The following DOK6 variants were observed in gnomAD, a reference collection of about 807,000 sequenced individuals.
DOK6 encodes downstream of tyrosine kinase 6.
DOK6 carries 22 observed loss-of-function variants against 44.0 expected under a neutral mutation model. The ratio of observed to expected loss-of-function variants is 0.50; its 90% CI spans 0.36 to 0.71. The LOEUF is 0.71. DOK6 is among the 30% of genes least tolerant of loss of function. DOK6 has a pLI of 0.00. For missense variants in DOK6, 340 were observed against 416.4 expected (o/e 0.82, Z 1.60); for synonymous variants, 166 against 145.5 (o/e 1.14, Z -1.01).
At position 69,564,465 on chromosome 18, in the gene DOK6, G is replaced by T. The variant is rs553829746; in HGVS notation, c.67-22G>T. The T allele has an allele frequency of 5.0e-6, 8 of 1,603,656 alleles. No individual in the cohort carries two copies. The African/African-American group carries it at 9.4e-5, about 19-fold the overall frequency. On this transcript the variant is annotated intron_variant, in intron 1 of 7. Coordinates refer to ENST00000382713, the MANE Select transcript of DOK6 (RefSeq NM_152721.6). ...AACTCATGTAAAAATATGGATAATG[G>T]GATTCCTTTATTTGCTTTCAGATTT...
chr18:69,766,434 A>G (rs1979719784), intron 7 of DOK6, among the ~76,000 whole-genome samples: 1 of 152,202 alleles, frequency 6.6e-6, no homozygotes, highest in Admixed American at 6.5e-5. Context: ...AAATCAATGT[A>G]CAACTTTTGA....
intron 1 of DOK6, among the ~76,000 whole-genome samples, chr18:69,434,601 C>T (rs1474758866): frequency 2.4e-5 from 3 of 122,696 alleles, no homozygotes; most frequent in Non-Finnish European, 5.0e-5. Flanking sequence ...CCATTCTGGC[C>T]GACATGGTGA....
At chr18:69,830,670 G>A (rs999192810) in intron 7 of DOK6, among the ~76,000 whole-genome samples, 1 of 152,158 alleles carries the variant, frequency 6.6e-6, no homozygotes, top group African/African-American at 2.4e-5. Context: ...TGTTTGAATT[G>A]TTTTTTGTTA....
intron 1 of DOK6, among the ~76,000 whole-genome samples, chr18:69,536,974 T>TTTATTATTA (rs780018877): frequency 0.089 from 8,929 of 100,566 alleles, 357 homozygotes; most frequent in South Asian, 0.19. Flanking sequence ...CGACAGAAGA[T>TTTATTATTA]TTATCATTAT....
At chr18:69,415,907 T>G (rs1978330833) in intron 1 of DOK6, among the ~76,000 whole-genome samples, 1 of 152,114 alleles carries the variant, frequency 6.6e-6, no homozygotes, top group Non-Finnish European at 1.5e-5. Flanking sequence ...TGGCTGTATA[T>G]TCATATAAAC....
intron 1 of DOK6, among the ~76,000 whole-genome samples, chr18:69,405,547 T>C (rs1366983359): frequency 1.3e-5 from 2 of 151,966 alleles, no homozygotes; most frequent in African/African-American, 2.4e-5. Context: ...GCCTCTGCAC[T>C]CTAGCCTGGG....
intron 2 of DOK6, among the ~76,000 whole-genome samples, chr18:69,568,287 C>T (rs925085613): frequency 6.6e-6 from 1 of 152,228 alleles, no homozygotes; most frequent in African/African-American, 2.4e-5. Context: ...GGCTACATAG[C>T]TGTGTTTACA....
intron 5 of DOK6, among the ~76,000 whole-genome samples, chr18:69,733,946 A>T (rs890304278): frequency 3.9e-5 from 6 of 152,242 alleles, no homozygotes; most frequent in African/African-American, 1.2e-4. Flanking sequence ...GTTACTTTTT[A>T]AAAATAATAG....
intron 1 of DOK6, among the ~76,000 whole-genome samples, chr18:69,408,545 T>G (rs1241200321): frequency 6.6e-6 from 1 of 152,210 alleles, no homozygotes; most frequent in East Asian, 1.9e-4. Flanking sequence ...AGCATTACCT[T>G]TATTTATGGA....
At chr18:69,556,686 AAT>A (rs1568295612) in intron 1 of DOK6, among the ~76,000 whole-genome samples, 1 of 152,228 alleles carries the variant, frequency 6.6e-6, no homozygotes, top group Non-Finnish European at 1.5e-5. Flanking sequence ...TGAATAAATG[AAT>A]GAATGAATAA....
intron 1 of DOK6, among the ~76,000 whole-genome samples, chr18:69,530,071 A>T (rs758469499): frequency 7.2e-5 from 11 of 152,116 alleles, no homozygotes; most frequent in Non-Finnish European, 1.3e-4. Context: ...TATAAAAAGC[A>T]CTCAAAATTA....
chr18:69,761,130 T>C (rs1395783975), intron 7 of DOK6, among the ~76,000 whole-genome samples: 15 of 96,760 alleles, frequency 1.6e-4, no homozygotes, highest in South Asian at 8.0e-4. Flanking sequence ...CGGGGGCCGG[T>C]TGTGACCAAT....
intron 4 of DOK6, among the ~76,000 whole-genome samples, chr18:69,678,920 G>A (rs1175403104): frequency 6.6e-6 from 1 of 152,210 alleles, no homozygotes; most frequent in African/African-American, 2.4e-5. Context: ...GCTCACACCT[G>A]TAATCCCAGC....
At chr18:69,687,700 T>C (rs961975336) in intron 4 of DOK6, among the ~76,000 whole-genome samples, 5 of 151,976 alleles carry the variant, frequency 3.3e-5, no homozygotes, top group African/African-American at 9.7e-5. Flanking sequence ...CCACAAAACC[T>C]AGGACTAAAA....
At position 69,625,566 on chromosome 18, in the gene DOK6, G is replaced by A. The variant is rs373083225; in HGVS notation, c.289+26068G>A. ...GTATATAAGGTCAGATGCTCACATC[G>A]TAAGGTTCATGTGTGTAAGTTCAAA... On this transcript the variant is annotated intron_variant, in intron 3 of 7. Coordinates refer to ENST00000382713, the MANE Select transcript of DOK6 (RefSeq NM_152721.6). Among the ~76,000 whole-genome samples the A allele has an allele frequency of 8.5e-5, 13 of 152,284 alleles. No homozygotes were observed. The East Asian group carries it at 1.5e-3, about 18-fold the overall frequency.
intron 1 of DOK6, among the ~76,000 whole-genome samples, chr18:69,470,674 T>C (rs1298588332): frequency 1.4e-5 from 2 of 143,964 alleles, no homozygotes; most frequent in Non-Finnish European, 3.1e-5. Flanking sequence ...AGCAATAACA[T>C]AGGGCCTGAA....
intron 3 of DOK6, among the ~76,000 whole-genome samples, chr18:69,666,345 C>T (rs891797587): frequency 1.6e-4 from 25 of 152,168 alleles, no homozygotes; most frequent in Admixed American, 6.5e-4. Flanking sequence ...ATCCAACGCC[C>T]AGTTCATTTC....
At chr18:69,412,791 A>C (rs1289482049) in intron 1 of DOK6, among the ~76,000 whole-genome samples, 1 of 152,168 alleles carries the variant, frequency 6.6e-6, no homozygotes, top group Non-Finnish European at 1.5e-5. Context: ...AAGGTCTTGC[A>C]TTATAAAAGA....
intron 1 of DOK6, among the ~76,000 whole-genome samples, chr18:69,428,428 T>TA (rs1343237335): frequency 3.3e-5 from 5 of 152,042 alleles, no homozygotes; most frequent in Non-Finnish European, 4.4e-5. Flanking sequence ...TTTAAATTCT[T>TA]ACTACAATTG....
Sources: gnomAD v4.1 joint callset for allele counts (sites outside exome capture counted in the v4.1 genomes callset) on GRCh38, gnomAD v4.1.1 for gene constraint, MANE v1.5 for transcripts, NCBI Gene and HGNC (gene_info 2026-07-23, HGNC 2026-07-21) for gene names.